HSPG2: variants seen among roughly 807,000 people sequenced by gnomAD.
HSPG2 encodes the protein heparan sulfate proteoglycan 2.
A neutral mutation model predicts 526.6 loss-of-function variants in HSPG2; 278 were observed. That is an observed-to-expected ratio of 0.53 (90% CI 0.48 to 0.58). The LOEUF (loss-of-function observed/expected upper bound fraction) is 0.58. Ranked by LOEUF, HSPG2 falls within the 20% of genes least tolerant of loss-of-function variation. The probability of loss-of-function intolerance (pLI) is 0.00; values close to 1 mark genes in which losing one functional copy is unlikely to be tolerated. For synonymous variants in HSPG2, 2,465 were observed against 2,555.4 expected, an observed-to-expected ratio of 0.96 and a Z score of 1.07; for missense variants, 5,354 against 6,099.5, an observed-to-expected ratio of 0.88 and a Z score of 4.07.
Position 21,828,135 on chromosome 1 carries a change from C to A in HSPG2, c.12427G>T (p.Glu4143Ter). ...DGFKGDLCEHEENPCQLREPC... is the reference protein window; with the variant it reads ...DGFKGDLCEH ...TCACGGAGCTGGCAGGGGTTCTCCT[C>A]GTGCTCACACAGGTCTCCTGTGGGC... The change falls in exon 90 of 97, where the codon GAG becomes TAG. Residue 4143 changes from glutamate to a stop codon, truncating the protein, a stop_gained. Transcript: ENST00000374695. LOFTEE classifies it high-confidence loss of function. The surrounding 1 kb of genome is among the most constrained non-coding windows in gnomAD (Gnocchi z 6.0). The A allele has an allele frequency of 7.2e-7, 1 of 1,383,826 alleles. No homozygotes were observed. Among genetic ancestry groups the A allele is most frequent in the Non-Finnish European group, 9.7e-7 (1 of 1,035,648 alleles). 85.7% of individuals were successfully genotyped at this position (1,383,826 alleles called of 1,614,324 possible).
At chr1:21,916,593 G>A (rs901881521) in intron 1 of HSPG2, among the ~76,000 whole-genome samples, 1 of 151,590 alleles carries the variant, frequency 6.6e-6, no homozygotes, top group Admixed American at 6.6e-5. Context: ...TCCAGAGGCT[G>A]AGGCAGGAGA....
At chr1:21,905,055 ACCTGTCGGGTTAGG>A (rs1470343422) in intron 1 of HSPG2, among the ~76,000 whole-genome samples, 1 of 152,046 alleles carries the variant, frequency 6.6e-6, no homozygotes, top group Non-Finnish European at 1.5e-5. Context: ...CGCTTCCTGA[ACCTGTCGGGTTAGG>A]CCTTCCCACG....
Position 21,835,605 on chromosome 1 carries a change from G to C in HSPG2, c.10388C>G (p.Thr3463Arg). The C allele has an allele frequency of 2.5e-6, 4 of 1,613,948 alleles. No individual in the cohort carries two copies. Among genetic ancestry groups the C allele is most frequent in the Non-Finnish European group, 3.4e-6 (4 of 1,179,860 alleles). The change falls in exon 76 of 97, where the codon ACG (threonine) becomes AGG (arginine). Residue 3463 changes from threonine to arginine, a missense_variant. By Grantham distance (71) the Thr-to-Arg change is moderately conservative. Coordinates refer to ENST00000374695, the MANE Select transcript of HSPG2 (RefSeq NM_005529.7). ...IQNLDQSCQG[T>R]YICQAHGPWG... Reference sequence around the variant, plus strand: ...AGGTCCATGGGCCTGGCATATATACGTCCCTTGGCAGCTCTGGTCCAAGTT... The same window carrying C: ...AGGTCCATGGGCCTGGCATATATACCTCCCTTGGCAGCTCTGGTCCAAGTT...
rs757449780 is a variant in HSPG2, at chr1:21,831,366, C to CACAGG, written c.11453-43_11453-42insCCTGT. The CACAGG allele has an allele frequency of 4.7e-5, 76 of 1,604,490 alleles. No homozygotes were observed. The African/African-American group carries it at 9.8e-4, about 21-fold the overall frequency. On this transcript the variant is annotated intron_variant, in intron 83 of 96. Transcript: ENST00000374695. ...CAGGATGAGCACAGGGCAGGGTGTC[C>CACAGG]CAGCCCATACCCTGAGGTGCCCTCC...
At chr1:21,896,948 G>A (rs931042518) in intron 1 of HSPG2, among the ~76,000 whole-genome samples, 9 of 152,210 alleles carry the variant, frequency 5.9e-5, no homozygotes, top group African/African-American at 9.6e-5. Context: ...CGGAGGCAGA[G>A]CTCAGTATCT....
Position 21,848,824 on chromosome 1 carries a change from G to A in HSPG2, c.7586-30C>T. 6.2e-7 allele frequency: 1 copy of A among 1,613,316 alleles called. No individual in the cohort carries two copies. Among genetic ancestry groups the A allele is most frequent in the Non-Finnish European group, 8.5e-7 (1 of 1,179,974 alleles). ...GAGGGTGAGATGTAAGGCAGGGTGT[G>A]GGAGCTGCTGAGGGTGCAGTCGGGG... On this transcript the variant is annotated intron_variant, in intron 58 of 96. Transcript: ENST00000374695. The surrounding 1 kb of genome is among the most constrained non-coding windows in gnomAD (Gnocchi z 4.9).
rs964366834 is a variant in HSPG2 at position 21,916,831 on chromosome 1, G to T, written c.63+20324C>A. 2.0e-5 allele frequency among the ~76,000 whole-genome samples: 3 copies of T among 152,220 alleles called. No individual in the cohort carries two copies. The East Asian group carries it at 5.8e-4, about 29-fold the overall frequency. On this transcript the variant is annotated intron_variant, in intron 1 of 96. Coordinates refer to ENST00000374695, the MANE Select transcript of HSPG2 (RefSeq NM_005529.7). The stretch of plus-strand genomic sequence containing the variant: ...ATCATTGATCCTTAGGCCAAGGCTG[G>T]AGATGGAGCTATCTCCATTTTACAA...
chr1:21,862,867 C>A (rs914354646), intron 37 of HSPG2, among the ~76,000 whole-genome samples: 1 of 147,922 alleles, frequency 6.8e-6, no homozygotes, highest in Non-Finnish European at 1.5e-5. Context: ...TAGAGACCAG[C>A]CTGCCAACAT....
chr1:21,875,829 C>G (rs115910529), intron 24 of HSPG2, 34 bp downstream of exon 24: 3 of 1,611,254 alleles, frequency 1.9e-6, no homozygotes, highest in African/African-American at 1.3e-5. Context: ...AGGGCCTGCC[C>G]GCACCCCTAC....
intron 1 of HSPG2, among the ~76,000 whole-genome samples, chr1:21,931,192 C>T (rs927237448): frequency 2.6e-5 from 4 of 152,240 alleles, no homozygotes; most frequent in Non-Finnish European, 2.9e-5. Flanking sequence ...ACCCCCGACC[C>T]GGCCACCCCA....
Position 21,890,366 on chromosome 1 carries a change from T to C in HSPG2, c.413+61A>G. 1 of 1,527,756 alleles carries C rather than the reference T, an allele frequency of 6.5e-7. No homozygotes were observed. The highest frequency in any genetic ancestry group is 9.1e-7 in the Non-Finnish European group (1 of 1,101,908). 94.6% of individuals were successfully genotyped at this position (1,527,756 alleles called of 1,614,324 possible). ...GTGCCAGGCTTCCTTCCCATCCTCA[T>C]CAGCCCCCTCCAGGTTACCCGCTCA... On this transcript the variant is annotated intron_variant, in intron 5 of 96. Transcript: ENST00000374695. The surrounding 1 kb of genome is among the most constrained non-coding windows in gnomAD (Gnocchi z 4.1).
chr1:21,852,242 G>C lies in HSPG2; in HGVS notation c.6725-9C>G. ...GACAGGTGGGATGGGTCCTGCAGCA[G>C]TGGGGATGGGAGTGAGAGTTGTAGA... On this transcript the variant is annotated splice_polypyrimidine_tract_variant and intron_variant, in intron 52 of 96. Transcript: ENST00000374695. 6.2e-7 allele frequency: 1 copy of C among 1,613,976 alleles called. No homozygotes were observed. The highest frequency in any genetic ancestry group is 8.5e-7 in the Non-Finnish European group (1 of 1,180,010).
In HSPG2 at chr1:21,898,601, C is replaced by A. The variant is rs960878283; in HGVS notation, c.64-2291G>T. Among the ~76,000 whole-genome samples, 3 of 152,232 alleles carry A rather than the reference C, an allele frequency of 2.0e-5. No homozygotes were observed. Among genetic ancestry groups the A allele is most frequent in the African/African-American group, 7.2e-5 (3 of 41,464 alleles). ...TCCCTGGTTAGAACCGTAAGACCAG[C>A]CCCTACCAGGCGCTCTGCCTCCTTC... On this transcript the variant is annotated intron_variant, in intron 1 of 96. Coordinates refer to ENST00000374695, the MANE Select transcript of HSPG2 (RefSeq NM_005529.7). This position sits in a 1 kb window ranked among gnomAD's most constrained non-coding sequence, Gnocchi z 4.0.
At chr1:21,932,522 T>C (rs1338671812) in intron 1 of HSPG2, among the ~76,000 whole-genome samples, 1 of 152,058 alleles carries the variant, frequency 6.6e-6, no homozygotes, top group Non-Finnish European at 1.5e-5. Context: ...ACAAATGAGG[T>C]CCTGCTCTCG....
At chr1:21,844,050 A>G in intron 65 of HSPG2, 98 bp downstream of exon 65, 1 of 1,511,932 alleles carries the variant, frequency 6.6e-7, no homozygotes, top group Non-Finnish European at 9.1e-7. Flanking sequence ...CATTTCCCAC[A>G]AGCCCCAGTT....
chr1:21,875,765 C>A lies in HSPG2; in HGVS notation c.3184-18G>T. 1 of 1,605,772 alleles carries A rather than the reference C, an allele frequency of 6.2e-7. No individual in the cohort carries two copies. The highest frequency in any genetic ancestry group is 8.5e-7 in the Non-Finnish European group (1 of 1,178,972). On this transcript the variant is annotated intron_variant, in intron 24 of 96. Transcript: ENST00000374695. ...CATGCTTGCTGCCAAGGAGAGGACA[C>A]ATGTGCTCAGCCCCTGACGTCCTGG... is the stretch of plus-strand genomic sequence containing the variant.
At position 21,839,030 on chromosome 1, in the gene HSPG2, C is replaced by G; in HGVS notation, c.9945G>C (p.Thr3315=). ...PEHASVQAGE[T]VQLQCLAHGT... Reference sequence around the variant, plus strand: ...CGTGAGCCAGGCACTGGAGCTGCACCGTCTCCCCTGCCTGCACCGAAGCGT... The same window carrying G: ...CGTGAGCCAGGCACTGGAGCTGCACGGTCTCCCCTGCCTGCACCGAAGCGT... Residue 3315 remains threonine, a synonymous_variant, in exon 74 of 97, where the codon ACG becomes ACC. Coordinates refer to ENST00000374695, the MANE Select transcript of HSPG2 (RefSeq NM_005529.7). The surrounding 1 kb of genome is among the most constrained non-coding windows in gnomAD (Gnocchi z 4.5). 1 of 1,603,102 alleles carries G rather than the reference C, an allele frequency of 6.2e-7. No homozygotes were observed. Among genetic ancestry groups the G allele is most frequent in the East Asian group, 2.2e-5 (1 of 44,506 alleles).
chr1:21,838,153 AAAAAAG>A (rs1424386098), intron 74 of HSPG2, among the ~76,000 whole-genome samples: 344 of 135,522 alleles, frequency 2.5e-3, no homozygotes, highest in African/African-American at 7.9e-3. Context: ...AAAAAAAAAA[AAAAAAG>A]AAAGAAACTG....
intron 13 of HSPG2, among the ~76,000 whole-genome samples, chr1:21,882,455 T>G (rs1641593221): frequency 6.7e-6 from 1 of 149,140 alleles, no homozygotes; most frequent in Admixed American, 6.7e-5. Context: ...TCACCCTACA[T>G]GGGAATTCCC....
Sources: gnomAD v4.1 joint callset for allele counts (sites outside exome capture counted in the v4.1 genomes callset) on GRCh38, gnomAD v4.1.1 for gene constraint, Gnocchi (gnomAD v3.1) non-coding constraint, MANE v1.5 for transcripts, NCBI Gene and HGNC (gene_info 2026-07-23, HGNC 2026-07-21) for gene names.